Variants in CDKL5 observed in about 807,000 individuals in gnomAD.
CDKL5 encodes cyclin dependent kinase like 5.
Under a neutral mutation model 61.7 loss-of-function variants are expected in CDKL5, and 8 were observed. The ratio of observed to expected loss-of-function variants is 0.13; its 90% CI spans 0.08 to 0.23. The LOEUF (loss-of-function observed/expected upper bound fraction) is 0.23. CDKL5 is among the 10% of genes least tolerant of loss of function. The pLI is 1.00. For synonymous variants in CDKL5, 275 were observed against 272.3 expected, an observed-to-expected ratio of 1.01 and a Z score of -0.10; for missense variants, 440 against 734.5, an observed-to-expected ratio of 0.60 and a Z score of 4.63.
intron 21 of CDKL5, among the ~76,000 whole-genome samples, chrX:18,651,141 C>T (rs1002420969): frequency 5.8e-5 from 6 of 103,248 alleles, no homozygotes; most frequent in East Asian, 3.0e-4. Context: ...CCGCACCCCC[C>T]GCCACACCCT....
At chrX:18,445,434 A>C (rs2032634958) in intron 1 of CDKL5, among the ~76,000 whole-genome samples, 1 of 110,218 alleles carries the variant, frequency 9.1e-6, no homozygotes, top group Admixed American at 9.7e-5. Context: ...TTTTCTTTTT[A>C]TTTTTTCACT....
chrX:18,643,158 A>G (rs949403536), downstream of CDKL5, among the ~76,000 whole-genome samples: 3 of 111,193 alleles, frequency 2.7e-5, no homozygotes, highest in Non-Finnish European at 5.7e-5. Context: ...TAACATAAAA[A>G]CATGCTGTGG....
intron 1 of CDKL5, among the ~76,000 whole-genome samples, chrX:18,449,859 A>G (rs958007745): frequency 1.6e-4 from 17 of 109,051 alleles, no homozygotes; most frequent in African/African-American, 3.7e-4. Context: ...CAGTGGCGCA[A>G]TCTTGGCTCA....
At chrX:18,613,866 G>A (rs1926639874) in intron 15 of CDKL5, among the ~76,000 whole-genome samples, 1 of 112,148 alleles carries the variant, frequency 8.9e-6, no homozygotes, top group African/African-American at 3.2e-5. Flanking sequence ...GTAATGAAAG[G>A]CACAAATGAT....
chrX:18,455,750 C>T (rs770195938), intron 1 of CDKL5, among the ~76,000 whole-genome samples: 10 of 112,606 alleles, frequency 8.9e-5, no homozygotes, highest in Non-Finnish European at 1.5e-4. Context: ...CAGAAGATAA[C>T]TGTTATTTGG....
rs773642754 is a variant in CDKL5 at position 18,609,557 on chromosome X, T to A, written c.2139T>A (p.Gly713=). ...ATGATCCTGTGCCAAGGAGAGTTGG[T>A]AGCTTTTACAGAGGTAAGCCCACCC... The part of the protein sequence containing the change: ...LYNDPVPRRV[G]SFYRVPSPRP... The change falls in exon 14 of 18, where the codon GGT becomes GGA. Residue 713 remains glycine, a synonymous_variant. Transcript: ENST00000623535. 2.5e-6 allele frequency: 3 copies of A among 1,211,214 alleles called. No individual in the cohort carries two copies. The Admixed American group carries it at 6.5e-5, about 26-fold the overall frequency.
intron 1 of CDKL5, among the ~76,000 whole-genome samples, chrX:18,428,537 A>G (rs772779714): frequency 9.0e-6 from 1 of 111,654 alleles, no homozygotes; most frequent in Admixed American, 9.6e-5. Context: ...TATGTAATAA[A>G]TTGATGTCAA....
At chrX:18,595,484 G>A (rs1479522231) in intron 10 of CDKL5, 56 bp downstream of exon 10, 15 of 760,211 alleles carry the variant, frequency 2.0e-5, no homozygotes, top group Non-Finnish European at 3.1e-5. Context: ...GGATTCTTTT[G>A]TGTCTACATG....
intron 8 of CDKL5, among the ~76,000 whole-genome samples, chrX:18,586,363 A>G (rs1367453944): frequency 9.0e-6 from 1 of 111,589 alleles, no homozygotes; most frequent in Non-Finnish European, 1.9e-5. Context: ...TTAGAACCCC[A>G]TCTGAGGACT....
intron 9 of CDKL5, among the ~76,000 whole-genome samples, chrX:18,593,122 C>T (rs900366601): frequency 8.9e-6 from 1 of 112,007 alleles, no homozygotes; most frequent in Non-Finnish European, 1.9e-5. Context: ...AGACCAGAAC[C>T]TCACGCATAG....
chrX:18,468,895 A>C (rs1298817347), intron 1 of CDKL5, among the ~76,000 whole-genome samples: 2 of 111,679 alleles, frequency 1.8e-5, no homozygotes, highest in Non-Finnish European at 3.8e-5. Flanking sequence ...ATACCCTTGA[A>C]TATAGTAGGC....
rs374664378 is a variant in CDKL5 at position 18,507,186 on chromosome X, G to A, written c.64+26G>A. The A allele has an allele frequency of 9.9e-4, 1,055 of 1,068,782 alleles. 2 individuals carry two copies. The highest frequency in any genetic ancestry group is 1.3e-3 in the Non-Finnish European group (972 of 767,006). The allele number at this position is 1,068,782 out of a possible 1,213,427, so 88.1% of individuals were successfully genotyped here. On this transcript the variant is annotated intron_variant, in intron 2 of 17. Transcript: ENST00000623535. ...GTAAGTTGGAATTTTTGCGTTCCTT[G>A]AGTTTTGAGCAATGAACAGTTAGTT...
At chrX:18,438,313 C>G (rs916417330) in intron 1 of CDKL5, among the ~76,000 whole-genome samples, 22 of 109,332 alleles carry the variant, frequency 2.0e-4, no homozygotes, top group African/African-American at 6.3e-4. Context: ...ATCTGCCTGC[C>G]TTGGCCTCCC....
intron 1 of CDKL5, among the ~76,000 whole-genome samples, chrX:18,434,087 G>A (rs1024753943): frequency 2.7e-5 from 3 of 111,721 alleles, no homozygotes; most frequent in African/African-American, 9.8e-5. Context: ...ACCTTCTAGG[G>A]TGGGCTGAGG....
At position 18,604,385 on chromosome X, in the gene CDKL5, A is replaced by G. The variant is rs932660530; in HGVS notation, c.1461A>G (p.Lys487=). 8.3e-7 allele frequency: 1 copy of G among 1,209,918 alleles called. No individual in the cohort carries two copies. The highest frequency in any genetic ancestry group is 1.1e-6 in the Non-Finnish European group (1 of 894,258). The part of the protein sequence containing the change: ...SRSPSYRTKA[K]SHGALSDSKS... ...GTCCCTCCTACAGGACCAAGGCCAA[A>G]AGCCATGGGGCACTGAGTGACTCCA... Residue 487 remains lysine (K), a synonymous_variant, in exon 12 of 18, where the codon AAA becomes AAG. Coordinates refer to ENST00000623535, the MANE Select transcript of CDKL5 (RefSeq NM_001323289.2).
At chrX:18,555,274 C>T (rs1303571802) in intron 3 of CDKL5, among the ~76,000 whole-genome samples, 1 of 111,143 alleles carries the variant, frequency 9.0e-6, no homozygotes, top group East Asian at 2.8e-4. Context: ...GCACAGTCAC[C>T]CCCCAAGGGA....
At chrX:18,546,283 CAG>C (rs1340930627) in intron 3 of CDKL5, among the ~76,000 whole-genome samples, 1 of 83,817 alleles carries the variant, frequency 1.2e-5, no homozygotes, top group Non-Finnish European at 2.2e-5. Context: ...TTTTTTGAGA[CAG>C]AGTTTCCCTC....
intron 21 of CDKL5, chrX:18,650,692 G>A (rs1927993405): frequency 1.0e-6 from 1 of 955,886 alleles, no homozygotes; most frequent in Admixed American, 2.3e-5. Context: ...CACCCCCAGG[G>A]ATTCTGACAT....
At chrX:18,547,514 C>G (rs1282815992) in intron 3 of CDKL5, among the ~76,000 whole-genome samples, 1 of 112,232 alleles carries the variant, frequency 8.9e-6, no homozygotes. Flanking sequence ...CATCAAGTAA[C>G]CAGACACAAA....
Sources: gnomAD v4.1 joint callset for allele counts (sites outside exome capture counted in the v4.1 genomes callset) on GRCh38, gnomAD v4.1.1 for gene constraint, MANE v1.5 for transcripts, NCBI Gene and HGNC (gene_info 2026-07-23, HGNC 2026-07-21) for gene names.